The following BCL9L variants were observed in gnomAD, a reference collection of about 807,000 sequenced individuals.
BCL9L encodes B-cell CLL/lymphoma 9-like protein.
In BCL9L, 19 loss-of-function variants were observed where a neutral mutation model predicts 99.4. The ratio of observed to expected loss-of-function variants is 0.19; its 90% confidence interval spans 0.13 to 0.28. The LOEUF (loss-of-function observed/expected upper bound fraction) is 0.28. BCL9L is among the 10% of genes least tolerant of loss of function. The pLI, the probability that BCL9L is intolerant of heterozygous loss-of-function variation, is 1.00. For missense variants in BCL9L, 2,023 were observed against 2,101.6 expected, an observed-to-expected ratio of 0.96 and a Z score of 0.73; for synonymous variants, 900 against 854.8, an observed-to-expected ratio of 1.05 and a Z score of -0.92.
Position 118,900,431 on chromosome 11 carries a change from GCCTGGGAGACTCACGTGGTACCC to G in BCL9L, c.3124+165_3124+187del, listed in dbSNP as rs1196853750. Among the ~76,000 whole-genome samples, 2 of 152,086 alleles carry G rather than the reference GCCTGGGAGACTCACGTGGTACCC, an allele frequency of 1.3e-5. No individual in the cohort carries two copies. The highest frequency in any genetic ancestry group is 4.8e-5 in the African/African-American group (2 of 41,404). On this transcript the variant is annotated intron_variant, in intron 8 of 9. Coordinates refer to ENST00000683865, the MANE Select transcript of BCL9L (RefSeq NM_001378213.1). This position sits in a 1 kb window ranked among gnomAD's most constrained non-coding sequence, Gnocchi z 5.3. ...GGCCCCAAGTACGATCACTCAAAAT[GCCTGGGAGACTCACGTGGTACCC>G]CCTGAGAAAGCCCACAAATGTCATC...
chr11:118,921,401 G>C lies in BCL9L; in HGVS notation c.-130-2522C>G, dbSNP rs576746025. On this transcript the variant is annotated intron_variant, in intron 1 of 9. Coordinates refer to ENST00000683865, the MANE Select transcript of BCL9L (RefSeq NM_001378213.1). This position sits in a 1 kb window ranked among gnomAD's most constrained non-coding sequence, Gnocchi z 5.4. ...CTCTGGGGAGGAGGGGAGCCTGCAG[G>C]GGGTGGAGAACCACTCAGGGATTTC... Among the ~76,000 whole-genome samples the C allele has an allele frequency of 3.9e-5, 6 of 152,318 alleles. No homozygotes were observed. The highest frequency in any genetic ancestry group is 3.9e-4 in the East Asian group (2 of 5,184).
intron 5 of BCL9L, among the ~76,000 whole-genome samples, chr11:118,906,865 A>T (rs1338564257): frequency 6.6e-6 from 1 of 152,100 alleles, no homozygotes; most frequent in Non-Finnish European, 1.5e-5. Flanking sequence ...AAAGATGTAA[A>T]CGTAAACTTT....
intron 2 of BCL9L, chr11:118,911,358 G>GC: frequency 2.3e-6 from 1 of 427,482 alleles, no homozygotes; most frequent in South Asian, 1.7e-5. Context: ...GGGTGAGGGG[G>GC]CCCCACCTGC....
At chr11:118,918,649 G>A (rs534022421) in intron 2 of BCL9L, among the ~76,000 whole-genome samples, 177 bp downstream of exon 2, 1 of 151,972 alleles carries the variant, frequency 6.6e-6, no homozygotes, top group South Asian at 2.1e-4. Flanking sequence ...AGGAGCCAGA[G>A]GAGACCTCCC....
In BCL9L at chr11:118,903,087, G is replaced by A. The variant is rs1230918955; in HGVS notation, c.750-13C>T. Reference sequence around the variant, plus strand: ...TGCCTCTGCAGCCCTGCACAGAGTGGGGGCACCGACAGCTCAGAGAGGTGA... The same window carrying A: ...TGCCTCTGCAGCCCTGCACAGAGTGAGGGCACCGACAGCTCAGAGAGGTGA... On this transcript the variant is annotated splice_polypyrimidine_tract_variant and intron_variant, in intron 6 of 9. Coordinates refer to ENST00000683865, the MANE Select transcript of BCL9L (RefSeq NM_001378213.1). This position sits in a 1 kb window ranked among gnomAD's most constrained non-coding sequence, Gnocchi z 5.6. The A allele has an allele frequency of 1.9e-6, 3 of 1,567,156 alleles. No individual in the cohort carries two copies. Among genetic ancestry groups the A allele is most frequent in the Non-Finnish European group, 2.6e-6 (3 of 1,160,930 alleles).
Position 118,898,324 on chromosome 11 carries a change from C to CCCCCCCCCCCCA in BCL9L, c.*90_*91insTGGGGGGGGGGG. 1 of 1,289,018 alleles carries CCCCCCCCCCCCA rather than the reference C, an allele frequency of 7.8e-7. No individual in the cohort carries two copies. 79.8% of individuals were successfully genotyped at this position (1,289,018 alleles called of 1,614,324 possible). On this transcript the variant is annotated 3_prime_UTR_variant, in exon 10 of 10. Coordinates refer to ENST00000683865, the MANE Select transcript of BCL9L (RefSeq NM_001378213.1). ...CTCCCACCCCCTCCACCCCACCCCG[C>CCCCCCCCCCCCA]GACCCAGGCCATCCCAACATTGAGG...
chr11:118,898,137 A>G lies in BCL9L; in HGVS notation c.*278T>C. ...TGCAGGGATGCACGGAAAGAGGTAA[A>G]ATAGAGAGGCTCCATAGGAATTGGG... On this transcript the variant is annotated 3_prime_UTR_variant, in exon 10 of 10. Coordinates refer to ENST00000683865, the MANE Select transcript of BCL9L (RefSeq NM_001378213.1). The G allele has an allele frequency of 1.8e-6, 1 of 570,372 alleles. No individual in the cohort carries two copies. Among genetic ancestry groups the G allele is most frequent in the Non-Finnish European group, 3.1e-6 (1 of 319,016 alleles). The allele number at this position is 570,372 out of a possible 1,614,324, so 35.3% of individuals were successfully genotyped here. A position where few individuals can be genotyped will look rare whatever the true frequency, so the allele number is the denominator to read the frequency against.
Position 118,898,979 on chromosome 11 carries a change from C to T in BCL9L, c.3936G>A (p.Glu1312=), listed in dbSNP as rs753786456. The change falls in exon 10 of 10, where the codon GAG becomes GAA. Residue 1312 remains glutamate (E), a synonymous_variant. Coordinates refer to ENST00000683865, the MANE Select transcript of BCL9L (RefSeq NM_001378213.1). ...ASVLNDPELS[E]VIRPTPTGIP... is the part of the protein sequence containing the mutation. ...TCCCCGTTGGGGTGGGCCGGATCAC[C>T]TCGCTCAGCTCGGGGTCGTTCAGCA... is the stretch of plus-strand genomic sequence containing the variant. 8 of 1,613,448 alleles carry T rather than the reference C, an allele frequency of 5.0e-6. No individual in the cohort carries two copies. The East Asian group carries it at 1.8e-4, about 36-fold the overall frequency.
chr11:118,898,997 G>A lies in BCL9L; in HGVS notation c.3918C>T (p.Asn1306=), dbSNP rs139252145. 4.0e-5 allele frequency: 64 copies of A among 1,613,916 alleles called. 1 individual carries two copies. The highest frequency in any genetic ancestry group is 3.7e-4 in the South Asian group (34 of 91,068). ...GVLPGVASVL[N]DPELSEVIRP... ...GGATCACCTCGCTCAGCTCGGGGTC[G>A]TTCAGCACTGATGCCACCCCAGGGA... The change falls in exon 10 of 10, where the codon AAC becomes AAT. Residue 1306 remains asparagine (N), a synonymous_variant. Coordinates refer to ENST00000683865, the MANE Select transcript of BCL9L (RefSeq NM_001378213.1).
In BCL9L at chr11:118,908,582, G is replaced by C; in HGVS notation, c.100C>G (p.Pro34Ala). Residue 34 changes from proline (P) to alanine (A), a missense_variant, in exon 4 of 10, where the codon CCA becomes GCA. Around this residue, in one of 3 missense-constraint regions of BCL9L, gnomAD observed 1,116 missense variants for 1,194.6 expected, o/e 0.93. Transcript: ENST00000683865. ...LSPRGHCPPA[P>A]AKPMHPENKL... ...TTTTCTGGGTGCATTGGCTTGGCTG[G>C]GGCAGGGGGGCAATGACCGCGGGGG... is the stretch of plus-strand genomic sequence containing the variant. 2 of 1,613,828 alleles carry C rather than the reference G, an allele frequency of 1.2e-6. No homozygotes were observed. The highest frequency in any genetic ancestry group is 1.7e-6 in the Non-Finnish European group (2 of 1,179,978).
chr11:118,904,437 C>CA (rs1940421334), intron 5 of BCL9L, among the ~76,000 whole-genome samples: 2 of 151,486 alleles, frequency 1.3e-5, no homozygotes, highest in East Asian at 1.9e-4. Flanking sequence ...GAGACTGTCT[C>CA]AAAAAAATAA....
chr11:118,915,860 C>T lies in BCL9L; in HGVS notation c.-77+2966G>A, dbSNP rs77585635. 2.6e-5 allele frequency among the ~76,000 whole-genome samples: 4 copies of T among 152,336 alleles called. No individual in the cohort carries two copies. In the East Asian group the frequency reaches 7.7e-4, roughly 29 times the overall value. ...AGGGGGCCCAGGGAGAAAACCTGTTCTCTTCTCAACTAGACAGGGCTGTAT... is the reference window on the plus strand; with the variant it reads ...AGGGGGCCCAGGGAGAAAACCTGTTTTCTTCTCAACTAGACAGGGCTGTAT... On this transcript the variant is annotated intron_variant, in intron 2 of 9. Coordinates refer to ENST00000683865, the MANE Select transcript of BCL9L (RefSeq NM_001378213.1).
chr11:118,900,638 G>C lies in BCL9L; in HGVS notation c.3105C>G (p.Thr1035=), dbSNP rs1342215211. 1 of 1,610,464 alleles carries C rather than the reference G, an allele frequency of 6.2e-7. No individual in the cohort carries two copies. ...QPPLNMNSST[T]LSNMEQGTLP... is the part of the protein sequence containing the mutation. ...ACTCACCCTGTTCCATGTTGCTCAG[G>C]GTGGTGGAAGAGTTCATGTTGAGAG... Residue 1035 remains threonine (T), a synonymous_variant, in exon 8 of 10, where the codon ACC becomes ACG. Transcript: ENST00000683865. The surrounding 1 kb of genome is among the most constrained non-coding windows in gnomAD (Gnocchi z 5.3).
Position 118,899,225 on chromosome 11 carries a change from A to AG in BCL9L, c.3689dup (p.Arg1231SerfsTer103). 1.3e-6 allele frequency: 2 copies of AG among 1,508,266 alleles called. No homozygotes were observed. Among genetic ancestry groups the AG allele is most frequent in the Non-Finnish European group, 1.8e-6 (2 of 1,129,740 alleles). 93.4% of individuals were successfully genotyped at this position (1,508,266 alleles called of 1,614,324 possible). A position where few individuals can be genotyped will look rare whatever the true frequency, so the allele number is the denominator to read the frequency against. ...TGGCACCATGGGGCTGCTGCAGCCG[A>AG]GGGGGGAAGGGCATCATCTGGGAGG... is the stretch of plus-strand genomic sequence containing the variant. On this transcript the variant is annotated frameshift_variant, in exon 10 of 10. Transcript: ENST00000683865. LOFTEE classifies it high-confidence loss of function.
intron 9 of BCL9L, 143 bp from the exon 10 acceptor site, chr11:118,899,651 G>A: frequency 2.5e-6 from 3 of 1,176,648 alleles, no homozygotes; most frequent in Non-Finnish European, 2.4e-6. Context: ...GGGAGGGAAG[G>A]GACTGGAGGC....
At position 118,896,208 on chromosome 11, in the gene BCL9L, C is replaced by T. The variant is rs970030862; in HGVS notation, c.*2207G>A. On this transcript the variant is annotated 3_prime_UTR_variant, in exon 10 of 10. Transcript: ENST00000683865. ...CAATACAGTACAGGCAGCACAGAGA[C>T]CCCCGGAACAAGCCTAAAAATTGTT... The T allele has an allele frequency of 4.2e-5, 7 of 166,750 alleles. No homozygotes were observed. The highest frequency in any genetic ancestry group is 1.7e-4 in the African/African-American group (7 of 41,384). 10.3% of individuals were successfully genotyped at this position (166,750 alleles called of 1,614,324 possible).
intron 5 of BCL9L, among the ~76,000 whole-genome samples, chr11:118,904,023 A>T (rs1940401100): frequency 6.6e-6 from 1 of 152,196 alleles, no homozygotes; most frequent in African/African-American, 2.4e-5. Flanking sequence ...CATCCCTCTA[A>T]GCCTCGGTTT....
Position 118,898,313 on chromosome 11 carries a change from A to ACCCCCCCCCCCCCCCCCCCC in BCL9L, c.*101_*102insGGGGGGGGGGGGGGGGGGGG. 3.7e-6 allele frequency: 1 copy of ACCCCCCCCCCCCCCCCCCCC among 273,718 alleles called. No individual in the cohort carries two copies. The highest frequency in any genetic ancestry group is 5.6e-6 in the Non-Finnish European group (1 of 177,580). The allele number at this position is 273,718 out of a possible 1,614,324, so 17.0% of individuals were successfully genotyped here. ...ACACAAGCCCCCTCCCACCCCCTCCACCCCACCCCGCGACCCAGGCCATCC... is the reference window on the plus strand; with the variant it reads ...ACACAAGCCCCCTCCCACCCCCTCCACCCCCCCCCCCCCCCCCCCCCCCCACCCCGCGACCCAGGCCATCC... On this transcript the variant is annotated 3_prime_UTR_variant, in exon 10 of 10. Coordinates refer to ENST00000683865, the MANE Select transcript of BCL9L (RefSeq NM_001378213.1).
In BCL9L at chr11:118,908,542, T is replaced by C. The variant is rs750666747; in HGVS notation, c.140A>G (p.His47Arg). The change falls in exon 4 of 10, where the codon CAT (histidine) becomes CGT (arginine). Residue 47 changes from histidine to arginine, a missense_variant. By Grantham distance (29) the His-to-Arg change is conservative (BLOSUM62 0). Around this residue, in one of 3 missense-constraint regions of BCL9L, gnomAD observed 1,116 missense variants for 1,194.6 expected, o/e 0.93. Transcript: ENST00000683865. ...GGCCCCGCCATTCCCTGTCTTGCCA[T>C]GATTGGTCAATTTATTTTCTGGGTG... ...PMHPENKLTN[H>R]GKTGNGGAQS... The C allele has an allele frequency of 8.1e-6, 13 of 1,614,068 alleles. No individual in the cohort carries two copies. In the Admixed American group the frequency reaches 2.0e-4, roughly 25 times the overall value.
Sources: allele counts gnomAD v4.1 joint callset (sites outside exome capture counted in the v4.1 genomes callset), GRCh38; gene constraint gnomAD v4.1.1; regional missense constraint gnomAD v4.1.1; non-coding constraint Gnocchi (gnomAD v3.1); transcripts MANE v1.5; gene names NCBI Gene and HGNC (gene_info 2026-07-23, HGNC 2026-07-21).